UBOX5: variants seen among roughly 807,000 people sequenced by gnomAD.
UBOX5 encodes RING finger protein 37.
Under a neutral mutation model 39.0 loss-of-function variants are expected in UBOX5, and 28 were observed. That is an observed-to-expected ratio of 0.72 (90% CI 0.53 to 0.98). UBOX5 has a LOEUF of 0.98. Among genes scored for constraint, UBOX5 ranks in the 50% least tolerant of loss-of-function variants. The pLI, the probability that UBOX5 is intolerant of heterozygous loss-of-function variation, is 0.00. For synonymous variants in UBOX5, 283 were observed against 275.5 expected (o/e 1.03, Z -0.27); for missense variants, 585 against 674.4 (o/e 0.87, Z 1.47).
At position 3,121,515 on chromosome 20, in the gene UBOX5, C is replaced by T. The variant is rs1362391779; in HGVS notation, c.1124G>A (p.Ser375Asn). Residue 375 changes from serine to asparagine, a missense_variant, in exon 3 of 5, where the codon AGT becomes AAT. Physicochemically the swap from Ser to Asn is conservative, Grantham distance 46. Coordinates refer to ENST00000217173, the MANE Select transcript of UBOX5 (RefSeq NM_014948.4). ...ACAGGAAGCATTTACACCAAAGTTA[C>T]TGTCTGGGACATGTTCAGCCTGCTC... ...KIEQAEHVPD[S>N]NFGVNASCFS... 6.2e-7 allele frequency: 1 copy of T among 1,613,992 alleles called. No homozygotes were observed. Among genetic ancestry groups the T allele is most frequent in the Non-Finnish European group, 8.5e-7 (1 of 1,179,958 alleles).
chr20:3,114,738 G>A (rs1472561494), intron 4 of UBOX5, among the ~76,000 whole-genome samples: 13 of 152,036 alleles, frequency 8.6e-5, no homozygotes, highest in African/African-American at 2.7e-4. Flanking sequence ...TCACGAGGTC[G>A]GGAGTTCGAG....
intron 3 of UBOX5, 120 bp downstream of exon 3, chr20:3,121,264 C>A: frequency 7.1e-7 from 1 of 1,418,412 alleles, no homozygotes; most frequent in Non-Finnish European, 9.5e-7. Flanking sequence ...GGGAAGGAGG[C>A]AGCACAGGCA....
At chr20:3,146,744 A>G (rs2066566701) in intron 1 of UBOX5, 2 of 1,595,092 alleles carry the variant, frequency 1.3e-6, no homozygotes, top group South Asian at 1.1e-5. Context: ...ATACACCTAT[A>G]GCTTTGCCAT....
Position 3,122,018 on chromosome 20 carries a change from G to C in UBOX5, c.621C>G (p.Asp207Glu), listed in dbSNP as rs142179639. Residue 207 changes from aspartate (D) to glutamate (E), a missense_variant, in exon 3 of 5, where the codon GAC becomes GAG. By Grantham distance (45) the Asp-to-Glu change is conservative. Transcript: ENST00000217173. ...PAKTCSQEVI[D>E]SILLVTSENL... ...TCTCTGAGGTGACCAGCAGGATGCT[G>C]TCTATCACTTCCTGGGAGCAGGTCT... 14 of 1,614,126 alleles carry C rather than the reference G, an allele frequency of 8.7e-6. No homozygotes were observed. The Admixed American group carries it at 2.3e-4, about 27-fold the overall frequency.
chr20:3,157,931 TGTTGTTCAGTCTGGAGGGCA>T lies in UBOX5; in HGVS notation c.-42+1815_-42+1834del, dbSNP rs564991895. Among the ~76,000 whole-genome samples, 583 of 152,180 alleles carry T rather than the reference TGTTGTTCAGTCTGGAGGGCA, an allele frequency of 3.8e-3. 4 individuals carry two copies. The highest frequency in any genetic ancestry group is 0.024 in the Middle Eastern group (7 of 294). On this transcript the variant is annotated intron_variant, in intron 1 of 4. Coordinates refer to ENST00000217173, the MANE Select transcript of UBOX5 (RefSeq NM_014948.4). ...TTTTTTTTCAGACAGGGTCTCGCTCTGTTGTTCAGTCTGGAGGGCAGTGGTGCAATCTCCGCTCACTGCAT... is the reference window on the plus strand; with the variant it reads ...TTTTTTTTCAGACAGGGTCTCGCTCTGTGGTGCAATCTCCGCTCACTGCAT...
intron 3 of UBOX5, among the ~76,000 whole-genome samples, chr20:3,119,182 G>A (rs922224696): frequency 2.6e-5 from 4 of 152,160 alleles, no homozygotes; most frequent in African/African-American, 4.8e-5. Context: ...TCTCTGGAAC[G>A]CACAGCTCCC....
In UBOX5 at chr20:3,147,137, T is replaced by C. The variant is rs1341668364; in HGVS notation, c.-42+12629A>G. ...CTGCTGCCCAGGCTCTGACTCAGTT[T>C]TGCCCTGGAAATGTCCTCTTGCTTT... On this transcript the variant is annotated intron_variant, in intron 1 of 4. Coordinates refer to ENST00000217173, the MANE Select transcript of UBOX5 (RefSeq NM_014948.4). The C allele has an allele frequency of 1.5e-5, 24 of 1,613,722 alleles. No homozygotes were observed. Among genetic ancestry groups the C allele is most frequent in the Non-Finnish European group, 1.9e-5 (23 of 1,180,058 alleles).
In UBOX5 at chr20:3,149,597, G is replaced by T. The variant is rs548928163; in HGVS notation, c.-42+10169C>A. 3.9e-5 allele frequency among the ~76,000 whole-genome samples: 6 copies of T among 152,336 alleles called. No individual in the cohort carries two copies. The highest frequency in any genetic ancestry group is 2.6e-4 in the Admixed American group (4 of 15,296). On this transcript the variant is annotated intron_variant, in intron 1 of 4. Coordinates refer to ENST00000217173, the MANE Select transcript of UBOX5 (RefSeq NM_014948.4). This position sits in a 1 kb window ranked among gnomAD's most constrained non-coding sequence, Gnocchi z 4.1. ...AGGAAGGCAGATTTCTAGAAAGAAG[G>T]CTGGGAACAAAAGTGAGCAACTCCT... is the stretch of plus-strand genomic sequence containing the variant.
In UBOX5 at chr20:3,117,287, G is replaced by GCACA. The variant is rs11468015; in HGVS notation, c.1256-1825_1256-1822dup. Among the ~76,000 whole-genome samples the GCACA allele has an allele frequency of 8.0e-3, 1,185 of 147,490 alleles. 16 individuals are homozygous for GCACA. The highest frequency in any genetic ancestry group is 0.027 in the African/African-American group (1,058 of 39,618). On this transcript the variant is annotated intron_variant, in intron 3 of 4. Transcript: ENST00000217173. The stretch of plus-strand genomic sequence containing the variant: ...CATCAATGACACCTGACCAAAGATG[G>GCACA]CACACACACACACACACACACACAC...
At chr20:3,151,558 C>T (rs892615242) in intron 1 of UBOX5, among the ~76,000 whole-genome samples, 13 of 151,820 alleles carry the variant, frequency 8.6e-5, no homozygotes, top group African/African-American at 3.1e-4. Flanking sequence ...GAAGCTGAGG[C>T]AGAAGGATTG....
At chr20:3,138,806 G>A (rs1478680797) in intron 1 of UBOX5, among the ~76,000 whole-genome samples, 1 of 152,148 alleles carries the variant, frequency 6.6e-6, no homozygotes, top group South Asian at 2.1e-4. Flanking sequence ...TAATTTAGAA[G>A]AGAATAAGGT....
At chr20:3,126,838 G>A (rs1227270479) in intron 1 of UBOX5, among the ~76,000 whole-genome samples, 1 of 151,784 alleles carries the variant, frequency 6.6e-6, no homozygotes, top group African/African-American at 2.4e-5. Context: ...GAGTTCAAGA[G>A]CAGCCTGGCC....
At chr20:3,112,957 C>T (rs780343818) in intron 4 of UBOX5, among the ~76,000 whole-genome samples, 8 of 150,900 alleles carry the variant, frequency 5.3e-5, no homozygotes, top group Non-Finnish European at 1.2e-4. Flanking sequence ...CAGAGCGAGA[C>T]TCCATCTCAA....
intron 1 of UBOX5, among the ~76,000 whole-genome samples, chr20:3,125,052 T>G (rs2066369929): frequency 7.3e-6 from 1 of 137,142 alleles, no homozygotes; most frequent in Non-Finnish European, 1.5e-5. Flanking sequence ...ATCTGGTAAG[T>G]GAGGAGCATC....
chr20:3,158,622 C>A (rs1374612325), intron 1 of UBOX5, among the ~76,000 whole-genome samples: 1 of 152,016 alleles, frequency 6.6e-6, no homozygotes, highest in Non-Finnish European at 1.5e-5. Flanking sequence ...CTACAGGCGC[C>A]CGCCACCACG....
Position 3,122,580 on chromosome 20 carries a change from G to C in UBOX5, c.59C>G (p.Ser20Ter). Residue 20 changes from serine (S) to a stop codon, truncating the protein, a stop_gained, in exon 3 of 5, where the codon TCA becomes TGA. Coordinates refer to ENST00000217173, the MANE Select transcript of UBOX5 (RefSeq NM_014948.4). LOFTEE classifies it high-confidence loss of function. ...ATTTTCTACTTCGTAACCATCAGCTGATATCTAGATTTAATAAAAAACACA... is the reference window on the plus strand; with the variant it reads ...ATTTTCTACTTCGTAACCATCAGCTCATATCTAGATTTAATAAAAAACACA... ...FRPRIHCNKI[S>*]ADGYEVENLI... 2 of 1,560,806 alleles carry C rather than the reference G, an allele frequency of 1.3e-6. No individual in the cohort carries two copies. Among genetic ancestry groups the C allele is most frequent in the Non-Finnish European group, 1.7e-6 (2 of 1,153,736 alleles).
At chr20:3,155,911 T>C (rs1275345393) in intron 1 of UBOX5, among the ~76,000 whole-genome samples, 2 of 152,200 alleles carry the variant, frequency 1.3e-5, no homozygotes, top group African/African-American at 4.8e-5. Context: ...AAACTGTATC[T>C]ACATACACAG....
chr20:3,140,879 C>T (rs998275352), intron 1 of UBOX5, among the ~76,000 whole-genome samples: 1 of 151,402 alleles, frequency 6.6e-6, no homozygotes, highest in Non-Finnish European at 1.5e-5. Flanking sequence ...CTCTCCCCTC[C>T]CTCTCTCCCA....
chr20:3,124,294 C>T (rs145983280), intron 1 of UBOX5, among the ~76,000 whole-genome samples: 14,033 of 152,234 alleles, frequency 0.092, 728 homozygotes, highest in Middle Eastern at 0.13. Context: ...GATCTCAGCT[C>T]GCTGCAACCT....
Sources: gnomAD v4.1 joint callset for allele counts (sites outside exome capture counted in the v4.1 genomes callset) on GRCh38, gnomAD v4.1.1 for gene constraint, Gnocchi (gnomAD v3.1) non-coding constraint, MANE v1.5 for transcripts, NCBI Gene and HGNC (gene_info 2026-07-23, HGNC 2026-07-21) for gene names.